The following PVT1 variants were observed in gnomAD, a reference collection of about 807,000 sequenced individuals.
PVT1 encodes CXCR4/PVT1 fusion.
At chr8:127,907,511 C>T (rs1439415650) in intron 3 of PVT1, among the ~76,000 whole-genome samples, 4 of 152,096 alleles carry the variant, frequency 2.6e-5, no homozygotes, top group African/African-American at 7.2e-5. Flanking sequence ...GCCAGCACTC[C>T]GGAGGATGAC....
rs369047961 is a variant in PVT1 at position 128,047,316 on chromosome 8, C to T, written n.913-22844C>T. Among the ~76,000 whole-genome samples, 186 of 152,274 alleles carry T rather than the reference C, an allele frequency of 1.2e-3. 5 individuals carry two copies. In the South Asian group the frequency reaches 0.031, roughly 25 times the overall value. On this transcript the variant is annotated intron_variant and non_coding_transcript_variant, in intron 4 of 10. Transcript: ENST00000651587. The stretch of plus-strand genomic sequence containing the variant: ...AGGTTGGTGTCTTGCTGCTAAGTTC[C>T]GCTTGATTCTGAACTAAGTCACCAT...
At chr8:128,012,938 T>C (rs936453213) in intron 4 of PVT1, among the ~76,000 whole-genome samples, 1 of 152,218 alleles carries the variant, frequency 6.6e-6, no homozygotes, top group Admixed American at 6.5e-5. Context: ...CAAATTTTTG[T>C]TGGTGTGGGG....
chr8:127,844,251 G>A (rs185103519), intron 2 of PVT1, among the ~76,000 whole-genome samples: 1 of 152,262 alleles, frequency 6.6e-6, no homozygotes, highest in Admixed American at 6.5e-5. Context: ...CTTTGCATGA[G>A]TTAGCAGAAT....
chr8:127,943,974 A>G (rs1816386194), intron 3 of PVT1, among the ~76,000 whole-genome samples: 1 of 152,226 alleles, frequency 6.6e-6, no homozygotes, highest in Non-Finnish European at 1.5e-5. Context: ...GTGATTAAAG[A>G]GGCAAGATAG....
chr8:127,939,382 C>T, intron 3 of PVT1: 1 of 152,554 alleles, frequency 6.6e-6, no homozygotes. Flanking sequence ...TGGAGAAAAG[C>T]CGCGTTAGGC....
intron 4 of PVT1, among the ~76,000 whole-genome samples, chr8:128,000,902 C>T (rs1318006453): frequency 6.6e-6 from 1 of 152,246 alleles, no homozygotes; most frequent in Non-Finnish European, 1.5e-5. Flanking sequence ...CATGCAGCTG[C>T]TGCTTCTCCC....
intron 3 of PVT1, among the ~76,000 whole-genome samples, chr8:127,902,463 A>G (rs1249599385): frequency 6.7e-6 from 1 of 150,344 alleles, no homozygotes; most frequent in Non-Finnish European, 1.5e-5. Flanking sequence ...TAGAATCAAG[A>G]GATGCATATG....
chr8:127,881,463 TATTTC>T (rs768438860), intron 2 of PVT1, among the ~76,000 whole-genome samples: 3,106 of 146,526 alleles, frequency 0.021, 62 homozygotes, highest in African/African-American at 0.047. Context: ...TTATTATTAT[TATTTC>T]AGATGGAGTT....
At chr8:127,957,204 C>T (rs960316355) in intron 3 of PVT1, among the ~76,000 whole-genome samples, 1 of 152,174 alleles carries the variant, frequency 6.6e-6, no homozygotes, top group Non-Finnish European at 1.5e-5. Context: ...TGCTCCCGAG[C>T]ACTAGGAAAA....
chr8:127,932,256 A>G (rs567488129), intron 3 of PVT1, among the ~76,000 whole-genome samples: 39 of 152,298 alleles, frequency 2.6e-4, no homozygotes, highest in African/African-American at 8.4e-4. Flanking sequence ...TCAAGGAGGC[A>G]GGGGGTCCAT....
chr8:128,006,284 A>G (rs919420562), intron 4 of PVT1, among the ~76,000 whole-genome samples: 2 of 152,118 alleles, frequency 1.3e-5, no homozygotes, highest in Non-Finnish European at 2.9e-5. Flanking sequence ...ATTCAACAGC[A>G]TTAGTAATGT....
At chr8:127,827,204 A>G (rs963822070) in intron 2 of PVT1, among the ~76,000 whole-genome samples, 1 of 151,992 alleles carries the variant, frequency 6.6e-6, no homozygotes, top group African/African-American at 2.4e-5. Flanking sequence ...CATGTTGGTC[A>G]GGCTGGTCTC....
chr8:127,851,334 A>G (rs563867275), intron 2 of PVT1, among the ~76,000 whole-genome samples: 4 of 152,280 alleles, frequency 2.6e-5, no homozygotes, highest in Admixed American at 1.3e-4. Flanking sequence ...CATGGTAAGA[A>G]CAAGGGCCAT....
chr8:128,017,300 G>A (rs949722183), intron 4 of PVT1, among the ~76,000 whole-genome samples: 21 of 152,208 alleles, frequency 1.4e-4, no homozygotes, highest in African/African-American at 5.1e-4. Context: ...GTGCCAGAGG[G>A]CAATGGAGAA....
intron 4 of PVT1, among the ~76,000 whole-genome samples, chr8:128,029,893 G>A (rs1181715624): frequency 6.6e-6 from 1 of 152,226 alleles, no homozygotes; most frequent in Non-Finnish European, 1.5e-5. Context: ...AGGATTGCTT[G>A]AGCCCAGCAG....
intron 2 of PVT1, among the ~76,000 whole-genome samples, chr8:127,822,155 C>G (rs1410711302): frequency 6.6e-6 from 1 of 152,308 alleles, no homozygotes; most frequent in East Asian, 1.9e-4. Context: ...TAGTGTCTGG[C>G]CCGTTTTAAG....
At chr8:127,887,397 G>A (rs1815535166) in intron 2 of PVT1, among the ~76,000 whole-genome samples, 2 of 152,132 alleles carry the variant, frequency 1.3e-5, no homozygotes, top group African/African-American at 4.8e-5. Flanking sequence ...AGAAATCTTT[G>A]TTCTAATTTT....
chr8:128,080,781 G>A (rs1814165602), intron 5 of PVT1, among the ~76,000 whole-genome samples: 1 of 152,076 alleles, frequency 6.6e-6, no homozygotes, highest in African/African-American at 2.4e-5. Context: ...AAAAGTTATT[G>A]CCATACTCGA....
At chr8:127,855,099 C>T (rs1815146988) in intron 2 of PVT1, 1 of 398,582 alleles carries the variant, frequency 2.5e-6, no homozygotes, top group African/African-American at 2.1e-5. Context: ...AGTTAAGTTT[C>T]TCTCCTCTCT....
Sources: allele counts gnomAD v4.1 joint callset (sites outside exome capture counted in the v4.1 genomes callset), GRCh38; gene constraint gnomAD v4.1.1; transcripts MANE v1.5; gene names NCBI Gene and HGNC (gene_info 2026-07-23, HGNC 2026-07-21).